Variants in PIK3R1 observed in about 807,000 individuals in gnomAD.
The protein encoded by PIK3R1 is phosphoinositide-3-kinase regulatory subunit 1.
A neutral mutation model predicts 98.0 loss-of-function variants in PIK3R1; 29 were observed. The ratio of observed to expected loss-of-function variants is 0.30; its 90% CI spans 0.22 to 0.40. The LOEUF is 0.40. Ranked by LOEUF, PIK3R1 falls within the 10% of genes least tolerant of loss-of-function variation. PIK3R1 has a pLI of 1.00. For missense variants in PIK3R1, 596 were observed against 872.7 expected (o/e 0.68, Z 3.99); for synonymous variants, 282 against 311.8 (o/e 0.90, Z 1.01).
intron 2 of PIK3R1, among the ~76,000 whole-genome samples, chr5:68,245,988 G>C (rs188769563): frequency 1.3e-5 from 2 of 152,322 alleles, no homozygotes; most frequent in East Asian, 3.9e-4. Context: ...TGCAATGAAG[G>C]TGACAGTGAA....
rs1747845924 is a variant in PIK3R1, at chr5:68,298,367, G to A, written c.*766G>A. On this transcript the variant is annotated 3_prime_UTR_variant, in exon 16 of 16. Coordinates refer to ENST00000521381, the MANE Select transcript of PIK3R1 (RefSeq NM_181523.3). ...GATGGATTTGTATCAATACCAAATA[G>A]CTTCTGTTTTGTTTTGCTGAAGGCT... is the stretch of plus-strand genomic sequence containing the variant. 2.6e-5 allele frequency: 6 copies of A among 233,166 alleles called. No individual in the cohort carries two copies. The highest frequency in any genetic ancestry group is 5.1e-5 in the Non-Finnish European group (6 of 117,888). The allele number at this position is 233,166 out of a possible 1,614,324, so 14.4% of individuals were successfully genotyped here. A position where few individuals can be genotyped will look rare whatever the true frequency, so the allele number is the denominator to read the frequency against.
intron 1 of PIK3R1, among the ~76,000 whole-genome samples, chr5:68,222,175 C>T (rs540640253): frequency 6.2e-4 from 94 of 152,098 alleles, no homozygotes; most frequent in African/African-American, 2.0e-3. Flanking sequence ...AGAATAGAGG[C>T]ATGATAGAGT....
Position 68,226,754 on chromosome 5 carries a change from G to A in PIK3R1, c.79G>A (p.Gly27Ser), listed in dbSNP as rs2111963939. ...AGAAGAAGATATTGACTTGCACTTG[G>A]GTGACATATTGACTGTGAATAAAGG... Reference protein sequence around the residue: ...EREEDIDLHLGDILTVNKGSL... With the variant: ...EREEDIDLHLSDILTVNKGSL... The change falls in exon 2 of 16, where the codon GGT (glycine) becomes AGT (serine). Residue 27 changes from glycine (G) to serine (S), a missense_variant. Transcript: ENST00000521381. The A allele has an allele frequency of 6.2e-7, 1 of 1,614,104 alleles. No homozygotes were observed. The highest frequency in any genetic ancestry group is 2.2e-5 in the East Asian group (1 of 44,886).
rs73768884 is a variant in PIK3R1, at chr5:68,228,258, G to T, written c.334+1249G>T. Among the ~76,000 whole-genome samples, 449 of 152,272 alleles carry T rather than the reference G, an allele frequency of 2.9e-3. 3 individuals carry two copies. The highest frequency in any genetic ancestry group is 0.01 in the African/African-American group (416 of 41,554). On this transcript the variant is annotated intron_variant, in intron 2 of 15. Coordinates refer to ENST00000521381, the MANE Select transcript of PIK3R1 (RefSeq NM_181523.3). ...TTCTAACACAAGTGAATAAGACAAT[G>T]AGAACAGAGAAACAGAATGCAAGGG...
chr5:68,224,821 G>A (rs570670581), intron 1 of PIK3R1, among the ~76,000 whole-genome samples: 5 of 152,266 alleles, frequency 3.3e-5, no homozygotes, highest in Non-Finnish European at 4.4e-5. Context: ...TGTACATGCC[G>A]TTCTCAGCCA....
At chr5:68,233,786 C>T (rs1053037834) in intron 2 of PIK3R1, among the ~76,000 whole-genome samples, 16 of 152,194 alleles carry the variant, frequency 1.1e-4, no homozygotes, top group Non-Finnish European at 1.9e-4. Flanking sequence ...AAATCAGCTG[C>T]AAACCTTTGT....
chr5:68,288,637 G>T, intron 7 of PIK3R1: 1 of 1,597,620 alleles, frequency 6.3e-7, no homozygotes, highest in South Asian at 1.1e-5. Flanking sequence ...ACAGGCTGGG[G>T]GGAGGTGCGG....
At chr5:68,241,604 C>T (rs1324145444) in intron 2 of PIK3R1, among the ~76,000 whole-genome samples, 1 of 152,176 alleles carries the variant, frequency 6.6e-6, no homozygotes, top group Non-Finnish European at 1.5e-5. Flanking sequence ...CCTAATCTCA[C>T]TTAGTCCACT....
intron 2 of PIK3R1, among the ~76,000 whole-genome samples, chr5:68,236,407 G>T (rs1042586226): frequency 1.3e-5 from 2 of 150,840 alleles, no homozygotes; most frequent in African/African-American, 4.8e-5. Flanking sequence ...CTGCCACCAC[G>T]CCCGTCTAAT....
intron 2 of PIK3R1, among the ~76,000 whole-genome samples, chr5:68,255,761 A>G (rs1467142961): frequency 2.0e-5 from 3 of 152,246 alleles, no homozygotes; most frequent in African/African-American, 7.2e-5. Context: ...TAGCTCTTGT[A>G]GTCGACAGAT....
At chr5:68,273,582 AC>A in intron 3 of PIK3R1, 100 bp downstream of exon 3, 1 of 1,007,986 alleles carries the variant, frequency 9.9e-7, no homozygotes, top group Non-Finnish European at 1.6e-6. Flanking sequence ...ATTTCCTACT[AC>A]CAGCTATGTC....
intron 7 of PIK3R1, among the ~76,000 whole-genome samples, chr5:68,281,461 T>A (rs2112199233): frequency 6.6e-6 from 1 of 152,334 alleles, no homozygotes; most frequent in East Asian, 1.9e-4. Context: ...GCAAGCAGTA[T>A]GAAACCAGTG....
chr5:68,256,324 G>A (rs1745513118), intron 2 of PIK3R1, among the ~76,000 whole-genome samples: 1 of 152,190 alleles, frequency 6.6e-6, no homozygotes, highest in Admixed American at 6.5e-5. Flanking sequence ...CCACCTCTCA[G>A]GTTCACACCA....
intron 7 of PIK3R1, among the ~76,000 whole-genome samples, chr5:68,290,460 T>G (rs1263876071): frequency 6.6e-6 from 1 of 152,214 alleles, no homozygotes; most frequent in Non-Finnish European, 1.5e-5. Flanking sequence ...ATTAAACACC[T>G]TTTTGAAAGG....
At position 68,292,363 on chromosome 5, in the gene PIK3R1, T is replaced by A; in HGVS notation, c.1019+2T>A. The A allele has an allele frequency of 6.3e-7, 1 of 1,595,546 alleles. No homozygotes were observed. Among genetic ancestry groups the A allele is most frequent in the Non-Finnish European group, 8.6e-7 (1 of 1,163,614 alleles). On this transcript the variant is annotated splice_donor_variant, in intron 8 of 15. Coordinates refer to ENST00000521381, the MANE Select transcript of PIK3R1 (RefSeq NM_181523.3). LOFTEE classifies it high-confidence loss of function. The stretch of plus-strand genomic sequence containing the variant: ...ATGGTACTGGGGAGATATCTCGAGG[T>A]AAGGCTACAGAAACTTCATTTTCAG...
chr5:68,229,900 G>T (rs1165172917), intron 2 of PIK3R1, among the ~76,000 whole-genome samples: 2 of 152,162 alleles, frequency 1.3e-5, no homozygotes, highest in Non-Finnish European at 2.9e-5. Flanking sequence ...AGGAAGCCCT[G>T]GCATATAGAT....
At chr5:68,289,028 A>G (rs543111056) in intron 7 of PIK3R1, among the ~76,000 whole-genome samples, 1 of 151,998 alleles carries the variant, frequency 6.6e-6, no homozygotes, top group African/African-American at 2.4e-5. Flanking sequence ...TGGGAAAATC[A>G]CCTGTCTCCC....
At chr5:68,289,211 G>T (rs765124697) in intron 7 of PIK3R1, among the ~76,000 whole-genome samples, 23 of 152,110 alleles carry the variant, frequency 1.5e-4, no homozygotes, top group Non-Finnish European at 1.6e-4. Flanking sequence ...AACTAAAAAA[G>T]AATGTTTTTC....
rs1561308403 is a variant in PIK3R1, at chr5:68,301,426, A to ATGTG, written c.*3826_*3827insGTGT. 8 of 73,830 alleles carry ATGTG rather than the reference A, an allele frequency of 1.1e-4. 1 individual carries two copies. Among genetic ancestry groups the ATGTG allele is most frequent in the African/African-American group, 3.5e-4 (6 of 17,228 alleles). The allele number at this position is 73,830 out of a possible 1,614,324, so 4.6% of individuals were successfully genotyped here. On this transcript the variant is annotated 3_prime_UTR_variant, in exon 16 of 16. Transcript: ENST00000521381. ...TATATATATATATATATATATATAT[A>ATGTG]TATATATGTGTGTGTATATATATAT...
Sources: allele counts gnomAD v4.1 joint callset (sites outside exome capture counted in the v4.1 genomes callset), GRCh38; gene constraint gnomAD v4.1.1; transcripts MANE v1.5; gene names NCBI Gene and HGNC (gene_info 2026-07-23, HGNC 2026-07-21).